Variants in NBPF8 observed in about 807,000 individuals in gnomAD.
NBPF8 encodes NBPF family member NBPF8.
chr1:120,467,865 C>T (rs1661783401), downstream of NBPF8: 1 of 152,030 alleles, frequency 6.6e-6, no homozygotes, highest in Admixed American at 6.6e-5. Context: ...GTAATCTCTT[C>T]CACATTGTAG....
upstream of NBPF8, among the ~76,000 whole-genome samples, chr1:120,416,385 A>T (rs1660437523): frequency 9.1e-6 from 1 of 110,152 alleles, no homozygotes; most frequent in Non-Finnish European, 1.8e-5. Flanking sequence ...TGGGCGGATC[A>T]CTTGAGCCCA....
upstream of NBPF8, among the ~76,000 whole-genome samples, chr1:120,434,318 C>T (rs1553247476): frequency 6.6e-3 from 962 of 145,058 alleles, 9 homozygotes; most frequent in Middle Eastern, 0.014. Context: ...TGTATATACA[C>T]GTATATATAT....
intron 1 of NBPF8, among the ~76,000 whole-genome samples, chr1:120,425,697 G>A (rs1660709544): frequency 6.6e-6 from 1 of 150,656 alleles, no homozygotes; most frequent in Admixed American, 6.6e-5. Context: ...AACGCCCACA[G>A]GTGTGGAGGG....
At chr1:120,421,123 G>A (rs1490684839) in intron 1 of NBPF8, among the ~76,000 whole-genome samples, 2 of 151,716 alleles carry the variant, frequency 1.3e-5, no homozygotes, top group African/African-American at 4.9e-5. Context: ...ATTCTTTTGG[G>A]CACCAGAACT....
chr1:120,460,901 T>C (rs1306628337), intron 18 of NBPF8, among the ~76,000 whole-genome samples: 3 of 151,892 alleles, frequency 2.0e-5, no homozygotes, highest in African/African-American at 4.8e-5. Context: ...TATGCAAAAT[T>C]ATTGAGGACA....
At chr1:120,462,950 G>A in exon 21 of NBPF8, 3 of 494,418 alleles carry the variant, frequency 6.1e-6, no homozygotes, top group Non-Finnish European at 1.0e-5. Context: ...ACCTTGGCTT[G>A]GCTCTTGACG....
At chr1:120,415,218 G>A (rs1296999031), upstream of NBPF8, among the ~76,000 whole-genome samples, 6 of 152,206 alleles carry the variant, frequency 3.9e-5, no homozygotes, top group South Asian at 2.1e-4. Flanking sequence ...CGCGGCGCAC[G>A]GATGCCATCT....
intron 3 of NBPF8, among the ~76,000 whole-genome samples, chr1:120,431,347 C>A (rs1316160754): frequency 2.4e-5 from 1 of 41,086 alleles, no homozygotes; most frequent in African/African-American, 1.8e-4. Flanking sequence ...TATTTATCAT[C>A]TCCAAATAGG....
chr1:120,452,929 C>A (rs1361302328), intron 13 of NBPF8, among the ~76,000 whole-genome samples: 10 of 152,070 alleles, frequency 6.6e-5, no homozygotes, highest in African/African-American at 2.4e-4. Context: ...CTGAAGAACA[C>A]AGCAGAAGCC....
chr1:120,460,715 T>A, intron 18 of NBPF8, 91 bp downstream of exon 16: 2 of 935,452 alleles, frequency 2.1e-6, no homozygotes. Flanking sequence ...AAATAATGAT[T>A]TTGTCTTGTC....
intron 8 of NBPF8, chr1:120,446,062 CT>C (rs1454711096): frequency 1.0e-6 from 1 of 988,362 alleles, no homozygotes; most frequent in Non-Finnish European, 1.6e-6. Flanking sequence ...GCCATAGGCC[CT>C]GATGACCCAA....
chr1:120,469,300 T>C, downstream of NBPF8, among the ~76,000 whole-genome samples: 1 of 143,952 alleles, frequency 6.9e-6, no homozygotes, highest in Non-Finnish European at 1.5e-5. Flanking sequence ...AAGCATTTGT[T>C]TCCCATTAGG....
chr1:120,464,169 GTGTGTGTGTC>G (rs1661672954), intron 22 of NBPF8, among the ~76,000 whole-genome samples, 197 bp from the exon 21 acceptor site: 1 of 114,028 alleles, frequency 8.8e-6, no homozygotes, highest in African/African-American at 4.3e-5. Flanking sequence ...GTGTGTGTGT[GTGTGTGTGTC>G]TGTCTGTCTT....
chr1:120,451,760 A>G (rs1273713835), intron 12 of NBPF8, among the ~76,000 whole-genome samples: 2 of 148,162 alleles, frequency 1.3e-5, no homozygotes, highest in East Asian at 2.0e-4. Context: ...ATGGCTTTGT[A>G]TCTAGTGGCC....
chr1:120,466,101 G>T, exon 25 of NBPF8: 1 of 1,611,578 alleles, frequency 6.2e-7, no homozygotes, highest in Non-Finnish European at 8.5e-7. Context: ...ACAGAAGTGT[G>T]TTTTACTCAT....
exon 1 of NBPF8, among the ~76,000 whole-genome samples, chr1:120,419,863 A>C (rs2101431360): frequency 1.1e-5 from 1 of 90,426 alleles, no homozygotes; most frequent in South Asian, 4.6e-4. Flanking sequence ...ATCTGAAAGC[A>C]AATCCTGTTT....
chr1:120,460,934 CTG>C (rs1203296798), intron 18 of NBPF8, among the ~76,000 whole-genome samples: 3 of 151,734 alleles, frequency 2.0e-5, no homozygotes, highest in African/African-American at 7.3e-5. Context: ...TCACTGTTCA[CTG>C]TGTGTCCTGA....
rs1378246458 is a variant in NBPF8, at chr1:120,423,355, G to A, written n.270-2392G>A. Among the ~76,000 whole-genome samples, 19 of 107,388 alleles carry A rather than the reference G, an allele frequency of 1.8e-4. 4 individuals carry two copies. In the South Asian group the frequency reaches 3.9e-3, roughly 22 times the overall value. The allele number at this position is 107,388 out of a possible 152,430, so 70.5% of individuals were successfully genotyped here. ...TGCATGTGGTTGTCCAGCTGTTCTA[G>A]CACCACTAGTTGGAAAGGCTATCTT... On this transcript the variant is annotated intron_variant and non_coding_transcript_variant, in intron 1 of 28. Coordinates refer to the NBPF8 transcript ENST00000652355.
Position 120,449,708 on chromosome 1 carries a change from T to C in NBPF8, n.1971+306T>C, listed in dbSNP as rs587646813. On this transcript the variant is annotated intron_variant and non_coding_transcript_variant, in intron 11 of 24. Transcript: ENST00000583271. ...CAATCGTGTTTTCAAGAATCCTCTC[T>C]ACCATATAAGATCCTGCAGACAAAT... Among the ~76,000 whole-genome samples, 15 of 151,930 alleles carry C rather than the reference T, an allele frequency of 9.9e-5. No individual in the cohort carries two copies. In the East Asian group the frequency reaches 2.9e-3, roughly 29 times the overall value.
Sources: allele counts gnomAD v4.1 joint callset (sites outside exome capture counted in the v4.1 genomes callset), GRCh38; gene constraint gnomAD v4.1.1; transcripts MANE v1.5; gene names NCBI Gene and HGNC (gene_info 2026-07-23, HGNC 2026-07-21).